Variants in PPP1R37 observed in about 807,000 individuals in gnomAD.
PPP1R37 encodes leucine rich repeat containing 68.
In PPP1R37, 21 loss-of-function variants were observed where a neutral mutation model predicts 61.0. The ratio of observed to expected loss-of-function variants is 0.34; its 90% CI spans 0.24 to 0.50. PPP1R37 has a LOEUF of 0.50. Among genes scored for constraint, PPP1R37 ranks in the 20% least tolerant of loss-of-function variants. The probability of loss-of-function intolerance (pLI) is 0.98; values close to 1 mark genes in which losing one functional copy is unlikely to be tolerated. For synonymous variants in PPP1R37, 443 were observed against 433.5 expected (o/e 1.02, Z -0.27); for missense variants, 910 against 952.7 (o/e 0.96, Z 0.59).
At chr19:45,132,496 C>T (rs2122743165) in intron 1 of PPP1R37, among the ~76,000 whole-genome samples, 1 of 152,200 alleles carries the variant, frequency 6.6e-6, no homozygotes, top group African/African-American at 2.4e-5. Context: ...GAGACAGGGT[C>T]TCACTTTGTT....
rs775219726 is a variant in PPP1R37, at chr19:45,140,255, A to G, written c.320A>G (p.His107Arg). 3.9e-6 allele frequency: 6 copies of G among 1,536,090 alleles called. No individual in the cohort carries two copies. The Admixed American group carries it at 1.2e-4, about 30-fold the overall frequency. ...RQLQEFTDLGHRLDCLDLKGE... is the reference protein window; with the variant it reads ...RQLQEFTDLGRRLDCLDLKGE... ...TCTCAGGAATTCACAGACCTCGGGC[A>G]CCGCCTCGACTGTCTGGACCTGAAA... Residue 107 changes from histidine to arginine, a missense_variant, in exon 3 of 13, where the codon CAC becomes CGC. Physicochemically the swap from His to Arg is conservative, Grantham distance 29. Coordinates refer to ENST00000221462, the MANE Select transcript of PPP1R37 (RefSeq NM_019121.2).
chr19:45,123,803 C>A (rs570118549), intron 1 of PPP1R37, among the ~76,000 whole-genome samples: 2 of 152,206 alleles, frequency 1.3e-5, no homozygotes, highest in African/African-American at 2.4e-5. Flanking sequence ...TAGCTTCTTG[C>A]AGCTTTGAGG....
At chr19:45,097,991 C>G (rs2122705318) in intron 1 of PPP1R37, among the ~76,000 whole-genome samples, 1 of 152,262 alleles carries the variant, frequency 6.6e-6, no homozygotes, top group East Asian at 1.9e-4. Flanking sequence ...TGGGTTCTTG[C>G]AGAGCATTGT....
In PPP1R37 at chr19:45,135,737, A is replaced by ATTC. The variant is rs1968530985; in HGVS notation, c.203-2771_203-2769dup. 2.0e-5 allele frequency among the ~76,000 whole-genome samples: 3 copies of ATTC among 148,834 alleles called. No homozygotes were observed. In the South Asian group the frequency reaches 6.3e-4, roughly 31 times the overall value. On this transcript the variant is annotated intron_variant, in intron 1 of 12. Coordinates refer to ENST00000221462, the MANE Select transcript of PPP1R37 (RefSeq NM_019121.2). ...CAGCGCTGCTCTGTGTGTCTTGTGA[A>ATTC]TTCTTCTTATGCTTCTGATAGTTCC...
At chr19:45,146,180 G>A in intron 11 of PPP1R37, 131 bp downstream of exon 11, 2 of 1,100,344 alleles carry the variant, frequency 1.8e-6, no homozygotes, top group Middle Eastern at 4.1e-4. Context: ...GCAAAGTGGG[G>A]CTTAGTTCTC....
chr19:45,131,453 G>A lies in PPP1R37; in HGVS notation c.203-7061G>A, dbSNP rs141780958. Among the ~76,000 whole-genome samples, 105 of 152,350 alleles carry A rather than the reference G, an allele frequency of 6.9e-4. 1 individual carries two copies. In the East Asian group the frequency reaches 0.019, roughly 28 times the overall value. Reference sequence around the variant, plus strand: ...TTTCAGGTCAAGACAGTCCTGGGGTGTGTTCCAGTCCTGCCACTTCCAGGC... The same window carrying A: ...TTTCAGGTCAAGACAGTCCTGGGGTATGTTCCAGTCCTGCCACTTCCAGGC... On this transcript the variant is annotated intron_variant, in intron 1 of 12. Coordinates refer to ENST00000221462, the MANE Select transcript of PPP1R37 (RefSeq NM_019121.2).
In PPP1R37 at chr19:45,142,443, C is replaced by G. The variant is rs1968626285; in HGVS notation, c.859C>G (p.His287Asp). 1 of 1,535,972 alleles carries G rather than the reference C, an allele frequency of 6.5e-7. No homozygotes were observed. Among genetic ancestry groups the G allele is most frequent in the Admixed American group, 2.0e-5 (1 of 50,978 alleles). ...SLQILDLRNN[H>D]VLDSGLAYIC... is the part of the protein sequence containing the mutation. ...GCAGATCCTGGACCTCCGGAACAAC[C>G]ACGTGCTAGACTCGGGTGGGTGCAG... Residue 287 changes from histidine (H) to aspartate (D), a missense_variant, in exon 7 of 13, where the codon CAC (histidine) becomes GAC (aspartate). Physicochemically the swap from His to Asp is moderately conservative, Grantham distance 81. This residue lies in a region of PPP1R37 where 280 missense variants were observed against 382.2 expected (regional missense o/e 0.73). Transcript: ENST00000221462.
intron 1 of PPP1R37, among the ~76,000 whole-genome samples, chr19:45,104,805 A>G (rs543630167): frequency 6.6e-6 from 1 of 151,996 alleles, no homozygotes; most frequent in South Asian, 2.1e-4. Flanking sequence ...GCTGGGTTCA[A>G]GCCATCGTGG....
chr19:45,141,518 G>T, intron 5 of PPP1R37, 77 bp downstream of exon 5: 2 of 1,472,252 alleles, frequency 1.4e-6, no homozygotes, highest in South Asian at 2.6e-5. Context: ...GGCATGGCCC[G>T]TAGGCTCTGA....
intron 1 of PPP1R37, among the ~76,000 whole-genome samples, chr19:45,111,063 C>T (rs1338496022): frequency 6.6e-6 from 1 of 152,100 alleles, no homozygotes; most frequent in African/African-American, 2.4e-5. Context: ...CACTAAATGA[C>T]TCAGCAAACC....
At chr19:45,095,161 G>C (rs569496400) in intron 1 of PPP1R37, among the ~76,000 whole-genome samples, 170 of 152,288 alleles carry the variant, frequency 1.1e-3, no homozygotes, top group Admixed American at 5.6e-3. Context: ...TGAACACACA[G>C]GGAGTCCATC....
rs1293522423 is a variant in PPP1R37, at chr19:45,093,370, C to G, written c.45C>G (p.Asp15Glu). 2 of 1,511,956 alleles carry G rather than the reference C, an allele frequency of 1.3e-6. No individual in the cohort carries two copies. The highest frequency in any genetic ancestry group is 2.0e-5 in the Admixed American group (1 of 49,430). The allele number at this position is 1,511,956 out of a possible 1,614,324, so 93.7% of individuals were successfully genotyped here. Residue 15 changes from aspartate to glutamate, a missense_variant, in exon 1 of 13, where the codon GAC (aspartate) becomes GAG (glutamate). Transcript: ENST00000221462. ...PQEAPPVPGA[D>E]GDIEEAPAEA... ...AGGCGCCGCCCGTGCCGGGCGCGGA[C>G]GGCGACATTGAAGAGGCCCCAGCTG...
chr19:45,145,985 G>A lies in PPP1R37; in HGVS notation c.1929G>A (p.Leu643=). 1.3e-6 allele frequency: 2 copies of A among 1,534,446 alleles called. No homozygotes were observed. Among genetic ancestry groups the A allele is most frequent in the Non-Finnish European group, 1.7e-6 (2 of 1,146,198 alleles). ...LPNGLKPEFA[L]ALPPEPPPGP... ...ACGGCCTGAAGCCCGAGTTCGCCCT[G>A]GCACTGCCCCCTGAGCCGCCCCCGG... The change falls in exon 11 of 13, where the codon CTG becomes CTA. Residue 643 remains leucine (L), a synonymous_variant. Transcript: ENST00000221462.
intron 1 of PPP1R37, among the ~76,000 whole-genome samples, chr19:45,126,957 T>C (rs185990547): frequency 6.6e-6 from 1 of 152,236 alleles, no homozygotes; most frequent in Non-Finnish European, 1.5e-5. Context: ...GTGTGAGTTG[T>C]GTAGTAATAC....
chr19:45,125,478 C>T (rs981418565), intron 1 of PPP1R37, among the ~76,000 whole-genome samples: 4 of 152,120 alleles, frequency 2.6e-5, no homozygotes, highest in African/African-American at 7.2e-5. Context: ...AATATCTGAG[C>T]TTGGCTTTCC....
intron 1 of PPP1R37, among the ~76,000 whole-genome samples, chr19:45,134,046 C>G (rs1251748658): frequency 6.6e-6 from 1 of 152,260 alleles, no homozygotes; most frequent in Admixed American, 6.5e-5. Flanking sequence ...TTAGCCACCT[C>G]CTCACACCAT....
chr19:45,115,045 G>A (rs1033343797), intron 1 of PPP1R37, among the ~76,000 whole-genome samples: 6 of 152,166 alleles, frequency 3.9e-5, no homozygotes, highest in Non-Finnish European at 8.8e-5. Flanking sequence ...TAGTGGTTCA[G>A]GCATGCATTC....
chr19:45,101,981 T>C (rs900181596), intron 1 of PPP1R37, among the ~76,000 whole-genome samples: 1 of 152,246 alleles, frequency 6.6e-6, no homozygotes, highest in African/African-American at 2.4e-5. Context: ...GTGACTGTTA[T>C]TCCCCTTCCC....
intron 1 of PPP1R37, among the ~76,000 whole-genome samples, chr19:45,117,227 G>A (rs986212173): frequency 2.6e-5 from 4 of 152,148 alleles, no homozygotes; most frequent in African/African-American, 7.2e-5. Context: ...GGTGACTTTC[G>A]AGTTGAGATC....
Sources: allele counts gnomAD v4.1 joint callset (sites outside exome capture counted in the v4.1 genomes callset), GRCh38; gene constraint gnomAD v4.1.1; regional missense constraint gnomAD v4.1.1; transcripts MANE v1.5; gene names NCBI Gene and HGNC (gene_info 2026-07-23, HGNC 2026-07-21).